The following USP28 variants were observed in gnomAD, a reference collection of about 807,000 sequenced individuals.
USP28 encodes the protein ubiquitin carboxyl-terminal hydrolase 28.
USP28 carries 113 observed loss-of-function variants against 145.0 expected under a neutral mutation model. The ratio of observed to expected loss-of-function variants is 0.78; its 90% CI spans 0.67 to 0.91. USP28 has a LOEUF of 0.91. Among genes scored for constraint, USP28 ranks in the 40% least tolerant of loss-of-function variants. The pLI, the probability that USP28 is intolerant of heterozygous loss-of-function variation, is 0.00. For synonymous variants in USP28, 447 were observed against 450.9 expected (o/e 0.99, Z 0.11); for missense variants, 1,201 against 1,289.6 (o/e 0.93, Z 1.05).
chr11:113,799,880 G>C (rs1938632635), intron 24 of USP28, among the ~76,000 whole-genome samples: 1 of 152,196 alleles, frequency 6.6e-6, no homozygotes, highest in Non-Finnish European at 1.5e-5. Context: ...TTTGTGTTGG[G>C]CTTCAGGTTG....
chr11:113,807,574 C>G (rs1940220937), intron 18 of USP28, among the ~76,000 whole-genome samples: 2 of 152,086 alleles, frequency 1.3e-5, no homozygotes, highest in African/African-American at 2.4e-5. Context: ...CACTGGACAA[C>G]TGAAAAATTT....
At chr11:113,819,900 G>A (rs1942347968) in intron 12 of USP28, among the ~76,000 whole-genome samples, 1 of 152,150 alleles carries the variant, frequency 6.6e-6, no homozygotes, top group Non-Finnish European at 1.5e-5. Flanking sequence ...TGTATTTTTA[G>A]TAGAGACGGG....
intron 2 of USP28, among the ~76,000 whole-genome samples, chr11:113,853,875 T>A (rs1429913919): frequency 8.4e-5 from 1 of 11,960 alleles, no homozygotes; most frequent in Admixed American, 1.1e-3. Context: ...TGAGACTCCA[T>A]CTCAAAAAAA....
At chr11:113,803,994 A>C in intron 21 of USP28, 117 bp from the exon 23 acceptor site, 1 of 812,442 alleles carries the variant, frequency 1.2e-6, no homozygotes, top group Non-Finnish European at 1.9e-6. Context: ...TAGCCACAAA[A>C]ATAACAAACA....
intron 3 of USP28, among the ~76,000 whole-genome samples, chr11:113,843,320 A>G (rs1368266608): frequency 6.6e-6 from 1 of 152,118 alleles, no homozygotes; most frequent in Non-Finnish European, 1.5e-5. Context: ...AAAATAATCC[A>G]CAGCTACTCT....
chr11:113,847,818 G>C (rs1946042900), intron 3 of USP28, among the ~76,000 whole-genome samples: 1 of 152,162 alleles, frequency 6.6e-6, no homozygotes, highest in East Asian at 1.9e-4. Flanking sequence ...TATCATGACA[G>C]GGATATTCAC....
At chr11:113,820,641 G>A (rs953600105) in intron 12 of USP28, among the ~76,000 whole-genome samples, 1 of 152,170 alleles carries the variant, frequency 6.6e-6, no homozygotes, top group African/African-American at 2.4e-5. Flanking sequence ...CTGACATGGA[G>A]GCGCCCTCCT....
chr11:113,815,306 G>A, exon 14 of USP28: 1 of 1,614,162 alleles, frequency 6.2e-7, no homozygotes, highest in Non-Finnish European at 8.5e-7. Flanking sequence ...GATGTCAGTG[G>A]TTTAGACTTG....
At chr11:113,875,340 C>A (rs2137372245) in intron 1 of USP28, 105 bp downstream of exon 1, 1 of 976,114 alleles carries the variant, frequency 1.0e-6, no homozygotes, top group South Asian at 4.9e-5. Context: ...CCCGCCCGGC[C>A]GGGGCGCCCT....
chr11:113,804,822 T>C, intron 20 of USP28, 46 bp downstream of exon 21: 1 of 1,611,446 alleles, frequency 6.2e-7, no homozygotes, highest in Non-Finnish European at 8.5e-7. Flanking sequence ...GGAGTCCATC[T>C]AGCCCAACCC....
intron 1 of USP28, among the ~76,000 whole-genome samples, chr11:113,857,816 C>T (rs2136671808): frequency 6.6e-6 from 1 of 152,230 alleles, no homozygotes; most frequent in African/African-American, 2.4e-5. Context: ...CAGTGGACAT[C>T]AATATATCTG....
Position 113,808,279 on chromosome 11 carries a change from G to T in USP28, c.2304+19C>A. 1 of 1,605,810 alleles carries T rather than the reference G, an allele frequency of 6.2e-7. No homozygotes were observed. Among genetic ancestry groups the T allele is most frequent in the Non-Finnish European group, 8.5e-7 (1 of 1,177,526 alleles). On this transcript the variant is annotated intron_variant, in intron 18 of 24. Transcript: ENST00000003302. ...GAAAGCCCGGCTCTCCTGAACTTGG[G>T]CTTCCCAGTCATTCTCACCTCACTC... is the stretch of plus-strand genomic sequence containing the variant.
At chr11:113,809,984 G>C (rs1400756233) in intron 16 of USP28, among the ~76,000 whole-genome samples, 1 of 146,080 alleles carries the variant, frequency 6.8e-6, no homozygotes, top group African/African-American at 2.6e-5. Flanking sequence ...GCAGTAAGCT[G>C]AGGTTGCGCC....
At chr11:113,835,948 C>T (rs1295425125) in intron 5 of USP28, among the ~76,000 whole-genome samples, 1 of 152,122 alleles carries the variant, frequency 6.6e-6, no homozygotes, top group Non-Finnish European at 1.5e-5. Context: ...GGCATGGTGG[C>T]ATGCCTATAG....
At chr11:113,874,538 C>T (rs1192690859) in intron 1 of USP28, 1 of 1,288,656 alleles carries the variant, frequency 7.8e-7, no homozygotes, top group East Asian at 5.6e-5. Flanking sequence ...TGTCTGCCAG[C>T]TTTGTACGAC....
chr11:113,811,146 T>C (rs1182446061), intron 16 of USP28, among the ~76,000 whole-genome samples: 1 of 152,220 alleles, frequency 6.6e-6, no homozygotes, highest in African/African-American at 2.4e-5. Flanking sequence ...ATTTGAATCT[T>C]GGGACTGCCA....
chr11:113,799,379 C>G (rs1938518228), exon 25 of USP28: 1 of 1,614,172 alleles, frequency 6.2e-7, no homozygotes, highest in Non-Finnish European at 8.5e-7. Flanking sequence ...ATCTAGAAGT[C>G]TGGGTAGAAA....
At chr11:113,803,849 C>A (rs770592432) in exon 22 of USP28, 4 of 1,613,704 alleles carry the variant, frequency 2.5e-6, no homozygotes, top group Non-Finnish European at 1.7e-6. Context: ...AGACACTTTT[C>A]GGAACAAACT....
chr11:113,832,100 T>C (rs1944061973), intron 7 of USP28, 107 bp from the exon 8 acceptor site: 1 of 938,188 alleles, frequency 1.1e-6, no homozygotes, highest in African/African-American at 1.7e-5. Flanking sequence ...ATAAAAGCAT[T>C]TCTTTTTTTC....
Sources: allele counts gnomAD v4.1 joint callset (sites outside exome capture counted in the v4.1 genomes callset), GRCh38; gene constraint gnomAD v4.1.1; transcripts MANE v1.5; gene names NCBI Gene and HGNC (gene_info 2026-07-23, HGNC 2026-07-21).